ANXA9: variants seen among roughly 807,000 people sequenced by gnomAD.
ANXA9 encodes annexin A9.
In ANXA9, 47 loss-of-function variants were observed where a neutral mutation model predicts 51.8. The ratio of observed to expected loss-of-function variants is 0.91; its 90% CI spans 0.72 to 1.16. The LOEUF (loss-of-function observed/expected upper bound fraction) is 1.16, where lower values mean the gene tolerates loss of function less well. Ranked by LOEUF, ANXA9 falls within the 50% of genes most tolerant of loss-of-function variation. The probability of loss-of-function intolerance (pLI) is 0.00; values close to 1 mark genes in which losing one functional copy is unlikely to be tolerated. For missense variants in ANXA9, 361 were observed against 424.7 expected, an observed-to-expected ratio of 0.85 and a Z score of 1.32; for synonymous variants, 154 against 168.7, an observed-to-expected ratio of 0.91 and a Z score of 0.68.
At chr1:150,988,810 G>A (rs941191454) in intron 12 of ANXA9, among the ~76,000 whole-genome samples, 7 of 152,034 alleles carry the variant, frequency 4.6e-5, no homozygotes, top group African/African-American at 1.7e-4. Context: ...GAGAAGTTAA[G>A]TACCTTGCTT....
intron 7 of ANXA9, among the ~76,000 whole-genome samples, chr1:150,985,038 G>A (rs372660687): frequency 9.2e-5 from 14 of 151,920 alleles, no homozygotes; most frequent in Admixed American, 5.9e-4. Context: ...GGTGGTGTGC[G>A]CCTGTGGTCC....
At chr1:150,994,441 A>G in intron 12 of ANXA9, 136 bp from the exon 13 acceptor site, 1 of 1,343,522 alleles carries the variant, frequency 7.4e-7, no homozygotes, top group Non-Finnish European at 1.0e-6. Context: ...TTGTCCCGAG[A>G]TAATGTATAA....
chr1:150,988,931 C>G (rs976642008), intron 12 of ANXA9, among the ~76,000 whole-genome samples: 1 of 152,118 alleles, frequency 6.6e-6, no homozygotes, highest in African/African-American at 2.4e-5. Context: ...CCCAAGGCCC[C>G]CTTTCTCCAC....
At chr1:150,977,773 A>G (rs1022910548), upstream of ANXA9, among the ~76,000 whole-genome samples, 2 of 152,266 alleles carry the variant, frequency 1.3e-5, no homozygotes, top group Admixed American at 6.5e-5. Context: ...ATTTCCTAAC[A>G]GAGAGGTAAA....
chr1:150,980,801 C>G, upstream of ANXA9, among the ~76,000 whole-genome samples: 2 of 152,026 alleles, frequency 1.3e-5, no homozygotes, highest in South Asian at 4.2e-4. Flanking sequence ...AGGCTGGTCT[C>G]GATCTCCTGC....
rs199972366 is a variant in ANXA9 at position 150,988,354 on chromosome 1, C to T, written c.852+13C>T. 2 of 1,613,370 alleles carry T rather than the reference C, an allele frequency of 1.2e-6. No individual in the cohort carries two copies. The highest frequency in any genetic ancestry group is 8.5e-7 in the Non-Finnish European group (1 of 1,179,682). On this transcript the variant is annotated intron_variant, in intron 12 of 13. Coordinates refer to ENST00000368947, the MANE Select transcript of ANXA9 (RefSeq NM_003568.3). ...TCAAGCCCTCCAGGTGAGAGGGGCA[C>T]TCCTTTCCCTCCCCAGAACAGAAAC...
Position 150,994,470 on chromosome 1 carries a change from G to C in ANXA9, c.853-107G>C, listed in dbSNP as rs1327439533. ...TGTATAATGTACACTCTTATCCCTT[G>C]ACTCCCACCTTGCCTCCCCTTCCTA... is the stretch of plus-strand genomic sequence containing the variant. On this transcript the variant is annotated intron_variant, in intron 12 of 13. Transcript: ENST00000368947. The C allele has an allele frequency of 2.0e-6, 3 of 1,527,682 alleles. No individual in the cohort carries two copies. In the African/African-American group the frequency reaches 4.1e-5, roughly 21 times the overall value. The allele number at this position is 1,527,682 out of a possible 1,614,324, so 94.6% of individuals were successfully genotyped here. A position where few individuals can be genotyped will look rare whatever the true frequency, so the allele number is the denominator to read the frequency against.
At position 150,992,481 on chromosome 1, in the gene ANXA9, A is replaced by G. The variant is rs1465988264; in HGVS notation, c.853-2096A>G. ...GGAGAATTGCTTGAACCTGGGAGGC[A>G]GAGGTTACAGTGACCTGAGATCGCA... On this transcript the variant is annotated intron_variant, in intron 12 of 13. Coordinates refer to ENST00000368947, the MANE Select transcript of ANXA9 (RefSeq NM_003568.3). Among the ~76,000 whole-genome samples, 7 of 151,086 alleles carry G rather than the reference A, an allele frequency of 4.6e-5. No homozygotes were observed. In the South Asian group the frequency reaches 6.3e-4, roughly 14 times the overall value.
upstream of ANXA9, among the ~76,000 whole-genome samples, chr1:150,979,290 G>A (rs12069792): frequency 2.0e-5 from 3 of 151,886 alleles, no homozygotes; most frequent in Admixed American, 6.6e-5. Context: ...GAGATTCGGC[G>A]TGAGGAAACA....
At chr1:150,990,810 C>G (rs11587720) in intron 12 of ANXA9, among the ~76,000 whole-genome samples, 1 of 151,646 alleles carries the variant, frequency 6.6e-6, no homozygotes, top group African/African-American at 2.4e-5. Flanking sequence ...GACGCCACTG[C>G]GCTCCAGTCT....
chr1:150,983,900 T>G, intron 4 of ANXA9, 75 bp from the exon 5 acceptor site: 2 of 1,439,620 alleles, frequency 1.4e-6, no homozygotes, highest in Non-Finnish European at 1.9e-6. Flanking sequence ...CTGGAGCGCC[T>G]TCCCTCCTCC....
At chr1:150,991,640 C>T (rs1401925514) in intron 12 of ANXA9, among the ~76,000 whole-genome samples, 8 of 152,144 alleles carry the variant, frequency 5.3e-5, no homozygotes, top group Non-Finnish European at 1.2e-4. Flanking sequence ...CTCCTGGGTT[C>T]AAGCAATTCT....
intron 12 of ANXA9, among the ~76,000 whole-genome samples, chr1:150,991,693 C>T (rs1671704205): frequency 6.6e-6 from 1 of 152,114 alleles, no homozygotes; most frequent in Non-Finnish European, 1.5e-5. Flanking sequence ...AGTTGCCCGC[C>T]ACCACATCCG....
Position 150,986,326 on chromosome 1 carries a change from C to T in ANXA9, c.473-10C>T, listed in dbSNP as rs766549722. The T allele has an allele frequency of 2.7e-5, 43 of 1,613,546 alleles. No individual in the cohort carries two copies. Among genetic ancestry groups the T allele is most frequent in the Non-Finnish European group, 3.4e-5 (40 of 1,179,502 alleles). On this transcript the variant is annotated splice_polypyrimidine_tract_variant and intron_variant, in intron 7 of 13. Transcript: ENST00000368947. ...CAGGAGGATTCAGAGAGCTCCTCAC[C>T]CCACCCCAGATTTCCAGGTGGAGGC...
At chr1:150,991,036 T>TTG (rs1671685179) in intron 12 of ANXA9, among the ~76,000 whole-genome samples, 2 of 150,922 alleles carry the variant, frequency 1.3e-5, no homozygotes, top group South Asian at 2.1e-4. Flanking sequence ...CCAGCTACGC[T>TTG]GGAGGCTAAG....
chr1:150,983,031 T>A, intron 2 of ANXA9, 59 bp from the exon 3 acceptor site: 1 of 1,342,908 alleles, frequency 7.4e-7, no homozygotes, highest in Non-Finnish European at 1.0e-6. Context: ...GGGGGGGTCA[T>A]AAGGAGTCCC....
In ANXA9 at chr1:150,984,376, A is replaced by G. The variant is rs1671497828; in HGVS notation, c.363A>G (p.Glu121=). 1.2e-6 allele frequency: 2 copies of G among 1,614,140 alleles called. No homozygotes were observed. Among genetic ancestry groups the G allele is most frequent in the Admixed American group, 1.7e-5 (1 of 60,016 alleles). ...CCACAGCCCAGTTTGACGCCCAGGA[A>G]TTGAGGACAGCTCTGAAGGTAGCAG... The part of the protein sequence containing the change: ...LQPTAQFDAQ[E]LRTALKASDS... The change falls in exon 6 of 14, where the codon GAA becomes GAG. Residue 121 remains glutamate (E), a synonymous_variant. Coordinates refer to ENST00000368947, the MANE Select transcript of ANXA9 (RefSeq NM_003568.3).
In ANXA9 at chr1:150,983,153, C is replaced by T; in HGVS notation, c.48C>T (p.Ile16=). ...TGGCACCGTCCCTCACCCAGGAGAT[C>T]CTCAGCCACCTGGGCCTGGCCAGCA... ...GKMAPSLTQE[I]LSHLGLASKT... The change falls in exon 3 of 14, where the codon ATC becomes ATT. Residue 16 remains isoleucine (I), a synonymous_variant. Transcript: ENST00000368947. 6.2e-7 allele frequency: 1 copy of T among 1,614,084 alleles called. No homozygotes were observed. The highest frequency in any genetic ancestry group is 1.3e-5 in the African/African-American group (1 of 75,018).
At chr1:150,980,425 A>T (rs1348030502), upstream of ANXA9, among the ~76,000 whole-genome samples, 1 of 151,908 alleles carries the variant, frequency 6.6e-6, no homozygotes, top group East Asian at 1.9e-4. Context: ...TATTTAATGA[A>T]ATATTTGGGT....
Sources: allele counts gnomAD v4.1 joint callset (sites outside exome capture counted in the v4.1 genomes callset), GRCh38; gene constraint gnomAD v4.1.1; transcripts MANE v1.5; gene names NCBI Gene and HGNC (gene_info 2026-07-23, HGNC 2026-07-21).